Variants in INSL6 observed in about 807,000 individuals in gnomAD.
The protein encoded by INSL6 is insulin like 6.
INSL6 carries 16 observed loss-of-function variants against 9.4 expected under a neutral mutation model. The observed-to-expected ratio is 1.70, with a 90% CI of 1.15 to 2.59. The LOEUF (loss-of-function observed/expected upper bound fraction) is 2.59. Among genes scored for constraint, INSL6 ranks in the 30% most tolerant of loss-of-function variants. The pLI is 0.00. For synonymous variants in INSL6, 154 were observed against 96.9 expected, an observed-to-expected ratio of 1.59 and a Z score of -3.46; for missense variants, 391 against 257.3, an observed-to-expected ratio of 1.52 and a Z score of -3.56.
At chr9:5,050,423 A>G in the INSL6 span, among the ~76,000 whole-genome samples, 7 of 152,208 alleles carry the variant, frequency 4.6e-5, no homozygotes, top group African/African-American at 1.7e-4. Flanking sequence ...GGTATGTGCC[A>G]CCATGCCTGG....
the INSL6 span, among the ~76,000 whole-genome samples, chr9:5,001,489 T>G: frequency 6.6e-6 from 1 of 152,194 alleles, no homozygotes; most frequent in Non-Finnish European, 1.5e-5. Flanking sequence ...TAAATTGCAT[T>G]GATTCATTTT....
At chr9:5,059,636 TG>T in the INSL6 span, among the ~76,000 whole-genome samples, 2 of 152,198 alleles carry the variant, frequency 1.3e-5, no homozygotes, top group African/African-American at 2.4e-5. Context: ...AACAATTTTT[TG>T]TAGTTCTATC....
At chr9:5,070,059 C>G in the INSL6 span, 17 of 1,588,584 alleles carry the variant, frequency 1.1e-5, no homozygotes, top group Non-Finnish European at 1.4e-5. Context: ...ATTTGTAAGT[C>G]ATTAGATACT....
chr9:5,173,999 C>T (rs536176153), intron 1 of INSL6, among the ~76,000 whole-genome samples: 2 of 152,226 alleles, frequency 1.3e-5, no homozygotes, highest in South Asian at 2.1e-4. Context: ...CACCCATATA[C>T]TCTCCCTTTC....
chr9:5,054,890 C>T, the INSL6 span: 1 of 1,549,534 alleles, frequency 6.5e-7, no homozygotes, highest in Non-Finnish European at 8.8e-7. The surrounding 1 kb of genome is among the most constrained non-coding windows in gnomAD (Gnocchi z 4.9). Context: ...AACAGGTAAT[C>T]CTTAATGATA....
chr9:5,041,766 C>T, the INSL6 span: 1 of 489,084 alleles, frequency 2.0e-6, no homozygotes. Flanking sequence ...CCACACCGAC[C>T]TGCCCTCCCA....
chr9:5,049,788 G>T, the INSL6 span, among the ~76,000 whole-genome samples: 1 of 152,130 alleles, frequency 6.6e-6, no homozygotes, highest in Non-Finnish European at 1.5e-5. Context: ...ATATGTTATA[G>T]CCTAGTATAT....
intron 3 of INSL6, chr9:5,126,401 G>A (rs753838619): frequency 2.5e-6 from 4 of 1,610,904 alleles, no homozygotes; most frequent in Non-Finnish European, 3.4e-6. Context: ...TAGAACTTTT[G>A]AAGAATAATG....
chr9:5,085,181 A>G, the INSL6 span: 1 of 655,814 alleles, frequency 1.5e-6, no homozygotes, highest in South Asian at 1.4e-5. Flanking sequence ...GGCAAACTGA[A>G]CCATCTCATG....
Position 5,135,366 on chromosome 9 carries a change from T to C in INSL6, c.377-1774A>G, listed in dbSNP as rs528603550. 8.6e-5 allele frequency among the ~76,000 whole-genome samples: 13 copies of C among 151,408 alleles called. No homozygotes were observed. The South Asian group carries it at 2.1e-3, about 24-fold the overall frequency. ...GACATCTACAGAACTCTGCACCACA[T>C]AATTGGAAGTAAAACACTCATCAGC... On this transcript the variant is annotated intron_variant, in intron 2 of 3. Coordinates refer to the INSL6 transcript ENST00000649639.
the INSL6 span, among the ~76,000 whole-genome samples, chr9:5,028,343 T>G: frequency 6.6e-6 from 1 of 152,200 alleles, no homozygotes; most frequent in Non-Finnish European, 1.5e-5. Flanking sequence ...GCTTAAAATA[T>G]TCAGTAAACC....
the INSL6 span, chr9:5,110,931 G>A: frequency 1.7e-6 from 1 of 579,216 alleles, no homozygotes; most frequent in African/African-American, 1.9e-5. Flanking sequence ...AGCCGCAGAG[G>A]ATGGCATCCG....
the INSL6 span, among the ~76,000 whole-genome samples, chr9:5,118,108 C>T: frequency 6.6e-6 from 1 of 152,132 alleles, no homozygotes; most frequent in Non-Finnish European, 1.5e-5. Flanking sequence ...TTGCAGTGAG[C>T]GGAGACCTCG....
At chr9:5,145,514 T>C (rs1018782979) in intron 2 of INSL6, among the ~76,000 whole-genome samples, 1 of 152,202 alleles carries the variant, frequency 6.6e-6, no homozygotes, top group African/African-American at 2.4e-5. Flanking sequence ...TCTTGCTAGG[T>C]TGGGAAAGTT....
At chr9:5,037,056 A>G in the INSL6 span, among the ~76,000 whole-genome samples, 1 of 152,248 alleles carries the variant, frequency 6.6e-6, no homozygotes, top group African/African-American at 2.4e-5. Context: ...AAGGATACGA[A>G]CAGACACTTC....
the INSL6 span, chr9:5,112,213 G>T: frequency 3.6e-6 from 1 of 274,414 alleles, no homozygotes; most frequent in South Asian, 3.3e-5. Flanking sequence ...CATGCTGCTG[G>T]TGGGGGCAGC....
chr9:5,158,907 T>C (rs1417313335), downstream of INSL6, among the ~76,000 whole-genome samples: 4 of 151,994 alleles, frequency 2.6e-5, no homozygotes, highest in South Asian at 2.1e-4. Context: ...AGATGAAAGA[T>C]AAAATCATCA....
intron 3 of INSL6, among the ~76,000 whole-genome samples, chr9:5,130,719 A>T (rs995548626): frequency 6.7e-6 from 1 of 149,402 alleles, no homozygotes; most frequent in Non-Finnish European, 1.5e-5. Flanking sequence ...TATTTTTTTT[A>T]TTTTTTATTT....
chr9:5,126,646 A>C, intron 3 of INSL6: 1 of 1,380,198 alleles, frequency 7.2e-7, no homozygotes, highest in South Asian at 1.2e-5. Flanking sequence ...GATGGCCCTT[A>C]GTGTTCATTT....
Sources: gnomAD v4.1 joint callset for allele counts (sites outside exome capture counted in the v4.1 genomes callset) on GRCh38, gnomAD v4.1.1 for gene constraint, Gnocchi (gnomAD v3.1) non-coding constraint, MANE v1.5 for transcripts, NCBI Gene and HGNC (gene_info 2026-07-23, HGNC 2026-07-21) for gene names.